SEMA3A: variants seen among roughly 807,000 people sequenced by gnomAD.
The protein encoded by SEMA3A is semaphorin 3A.
A neutral mutation model predicts 97.9 loss-of-function variants in SEMA3A; 29 were observed. That is an observed-to-expected ratio of 0.30 (90% CI 0.22 to 0.40). SEMA3A has a LOEUF of 0.40. Ranked by LOEUF, SEMA3A falls within the 10% of genes least tolerant of loss-of-function variation. The pLI is 1.00. For synonymous variants in SEMA3A, 321 were observed against 323.7 expected (o/e 0.99, Z 0.09); for missense variants, 763 against 951.3 (o/e 0.80, Z 2.60).
intron 6 of SEMA3A, among the ~76,000 whole-genome samples, chr7:84,044,366 T>TATC (rs772768789): frequency 2.0e-5 from 3 of 152,080 alleles, no homozygotes; most frequent in Non-Finnish European, 4.4e-5. Context: ...AGACCCCGTC[T>TATC]ATCCCTGGTG....
chr7:84,485,619 C>T (rs1197591055), intron 1 of SEMA3A, among the ~76,000 whole-genome samples: 5 of 152,100 alleles, frequency 3.3e-5, no homozygotes, highest in Non-Finnish European at 2.9e-5. Context: ...TAGCAATCCT[C>T]CTATCTAGGC....
intron 5 of SEMA3A, among the ~76,000 whole-genome samples, chr7:84,057,109 A>G (rs1793016656): frequency 1.3e-5 from 2 of 152,188 alleles, no homozygotes; most frequent in Non-Finnish European, 2.9e-5. Context: ...TGTAATGTCA[A>G]ATTATGCTCT....
At chr7:84,403,460 C>A (rs1021670937) in intron 1 of SEMA3A, among the ~76,000 whole-genome samples, 1 of 152,200 alleles carries the variant, frequency 6.6e-6, no homozygotes, top group Non-Finnish European at 1.5e-5. Context: ...GTAGGCTCCA[C>A]CTCTGGGGGC....
chr7:84,318,528 T>C (rs1476081641), intron 2 of SEMA3A, among the ~76,000 whole-genome samples: 1 of 151,884 alleles, frequency 6.6e-6, no homozygotes, highest in African/African-American at 2.4e-5. Flanking sequence ...TTCACCGTTT[T>C]AGCCGGGATG....
At chr7:84,455,373 CTTTG>C (rs1406119591) in intron 1 of SEMA3A, among the ~76,000 whole-genome samples, 3 of 151,934 alleles carry the variant, frequency 2.0e-5, no homozygotes, top group African/African-American at 4.8e-5. Flanking sequence ...TTAAAAACTA[CTTTG>C]TTTAATATTT....
chr7:84,139,442 G>C (rs1485213833), intron 1 of SEMA3A, among the ~76,000 whole-genome samples: 1 of 151,996 alleles, frequency 6.6e-6, no homozygotes, highest in African/African-American at 2.4e-5. Context: ...TCTTAAATTT[G>C]GAAGGTGACT....
chr7:83,966,009 A>G (rs1391053014), intron 15 of SEMA3A, among the ~76,000 whole-genome samples: 1 of 151,750 alleles, frequency 6.6e-6, no homozygotes, highest in Non-Finnish European at 1.5e-5. Context: ...AAAATCACTT[A>G]GTTGTCTTCT....
At chr7:84,156,858 A>G (rs1031950171) in intron 1 of SEMA3A, among the ~76,000 whole-genome samples, 1 of 152,158 alleles carries the variant, frequency 6.6e-6, no homozygotes, top group African/African-American at 2.4e-5. Context: ...AACATTATCA[A>G]TCCCAGAGCT....
chr7:84,300,660 C>T (rs1026157256), intron 3 of SEMA3A, among the ~76,000 whole-genome samples: 1 of 151,662 alleles, frequency 6.6e-6, no homozygotes, highest in African/African-American at 2.4e-5. Context: ...CAGATAATAA[C>T]AAAATAGTCA....
intron 4 of SEMA3A, among the ~76,000 whole-genome samples, chr7:84,072,777 ATTAT>A (rs1335787076): frequency 2.0e-5 from 3 of 152,152 alleles, no homozygotes; most frequent in Non-Finnish European, 4.4e-5. Flanking sequence ...GAGTTTATAA[ATTAT>A]TTGTTAGCTA....
chr7:84,203,714 T>C (rs1200277500), intron 3 of SEMA3A, among the ~76,000 whole-genome samples: 1 of 150,870 alleles, frequency 6.6e-6, no homozygotes, highest in East Asian at 2.0e-4. Context: ...TAAATTTTAG[T>C]AGGGAGGGGG....
intron 1 of SEMA3A, among the ~76,000 whole-genome samples, chr7:84,136,910 A>C (rs978160349): frequency 2.0e-5 from 3 of 151,474 alleles, no homozygotes; most frequent in South Asian, 2.1e-4. Flanking sequence ...CACACACACA[A>C]AAAAAAGAAG....
chr7:84,157,989 C>A (rs1289160044), intron 1 of SEMA3A, among the ~76,000 whole-genome samples: 3 of 152,052 alleles, frequency 2.0e-5, no homozygotes, highest in Non-Finnish European at 1.5e-5. Context: ...GAGCCAGTAT[C>A]TAATTAATTC....
intron 2 of SEMA3A, among the ~76,000 whole-genome samples, chr7:84,357,382 G>A (rs975399251): frequency 1.3e-4 from 20 of 151,090 alleles, no homozygotes; most frequent in Middle Eastern, 3.2e-3. Context: ...GAGAACATGC[G>A]GTGTTTGGTT....
intron 6 of SEMA3A, among the ~76,000 whole-genome samples, chr7:84,041,209 A>G (rs1158850264): frequency 6.6e-6 from 1 of 152,136 alleles, no homozygotes; most frequent in African/African-American, 2.4e-5. Context: ...ACTTGCTAAA[A>G]GTCTTTATGT....
chr7:84,223,185 A>C (rs1440841715), intron 3 of SEMA3A, among the ~76,000 whole-genome samples: 1 of 151,886 alleles, frequency 6.6e-6, no homozygotes, highest in Non-Finnish European at 1.5e-5. Context: ...AAAGTGCCAG[A>C]GTCTCACCAA....
intron 1 of SEMA3A, among the ~76,000 whole-genome samples, chr7:84,481,128 G>A (rs932203142): frequency 2.0e-5 from 3 of 152,110 alleles, no homozygotes; most frequent in Admixed American, 6.6e-5. Flanking sequence ...AAGCAATCCT[G>A]TTCTTTGTAT....
At chr7:84,464,764 A>T (rs1247721970) in intron 1 of SEMA3A, among the ~76,000 whole-genome samples, 1 of 152,256 alleles carries the variant, frequency 6.6e-6, no homozygotes, top group Non-Finnish European at 1.5e-5. Context: ...AGGAATAACT[A>T]AGAAATATAT....
At chr7:83,992,921 T>A (rs1199999491) in intron 12 of SEMA3A, among the ~76,000 whole-genome samples, 1 of 148,882 alleles carries the variant, frequency 6.7e-6, no homozygotes, top group Non-Finnish European at 1.5e-5. Context: ...ACTGGGGTGT[T>A]AAAGTCTCCC....
Sources: allele counts gnomAD v4.1 joint callset (sites outside exome capture counted in the v4.1 genomes callset), GRCh38; gene constraint gnomAD v4.1.1; transcripts MANE v1.5; gene names NCBI Gene and HGNC (gene_info 2026-07-23, HGNC 2026-07-21).